MPRIP: variants seen among roughly 807,000 people sequenced by gnomAD.
MPRIP encodes the protein myosin phosphatase Rho-interacting protein.
In MPRIP, 59 loss-of-function variants were observed where a neutral mutation model predicts 234.9. The observed-to-expected ratio is 0.25, with a 90% CI of 0.20 to 0.31. The LOEUF is 0.31. Among genes scored for constraint, MPRIP ranks in the 10% least tolerant of loss-of-function variants. The pLI, the probability that MPRIP is intolerant of heterozygous loss-of-function variation, is 1.00. For synonymous variants in MPRIP, 1,144 were observed against 1,263.9 expected, an observed-to-expected ratio of 0.91 and a Z score of 2.01; for missense variants, 2,436 against 3,071.0, an observed-to-expected ratio of 0.79 and a Z score of 4.89.
At chr17:17,055,401 C>A (rs1179072884) in intron 1 of MPRIP, among the ~76,000 whole-genome samples, 1 of 152,100 alleles carries the variant, frequency 6.6e-6, no homozygotes, top group African/African-American at 2.4e-5. Context: ...CGGGTCTAGT[C>A]CCAAATCACT....
At position 17,177,273 on chromosome 17, in the gene MPRIP, G is replaced by A. The variant is rs772184125; in HGVS notation, c.6981G>A (p.Lys2327=). Residue 2327 remains lysine, a synonymous_variant, in exon 22 of 24, where the codon AAG becomes AAA. Coordinates refer to ENST00000651222, the MANE Select transcript of MPRIP (RefSeq NM_001364716.4). The stretch of plus-strand genomic sequence containing the variant: ...AGGACAAGAAGTACGCAAGTGACAA[G>A]TACAAAGACATCTACACAGAGCTCA... ...ALRDKKYASD[K]YKDIYTELSI... 1.9e-6 allele frequency: 3 copies of A among 1,613,794 alleles called. No individual in the cohort carries two copies. Among genetic ancestry groups the A allele is most frequent in the East Asian group, 2.2e-5 (1 of 44,868 alleles).
At chr17:17,141,268 C>G (rs2090810345) in intron 7 of MPRIP, among the ~76,000 whole-genome samples, 1 of 152,176 alleles carries the variant, frequency 6.6e-6, no homozygotes, top group African/African-American at 2.4e-5. Context: ...CACAATCGCT[C>G]AAGTGTGGTG....
intron 3 of MPRIP, among the ~76,000 whole-genome samples, chr17:17,116,527 C>A (rs2090289235): frequency 6.6e-6 from 1 of 152,222 alleles, no homozygotes; most frequent in Non-Finnish European, 1.5e-5. Context: ...CCTGTTGAAT[C>A]ATTCTGAGGC....
intron 20 of MPRIP, among the ~76,000 whole-genome samples, chr17:17,175,692 AC>A (rs1261976646): frequency 3.9e-5 from 6 of 152,222 alleles, no homozygotes; most frequent in Admixed American, 1.3e-4. Flanking sequence ...TGCCACAAAC[AC>A]TGACCACTCA....
At chr17:17,153,847 C>T (rs1040297689) in intron 12 of MPRIP, among the ~76,000 whole-genome samples, 5 of 152,142 alleles carry the variant, frequency 3.3e-5, no homozygotes, top group Non-Finnish European at 7.4e-5. Flanking sequence ...GCCCATCATG[C>T]CATGTGCCTG....
At chr17:17,132,682 C>G (rs966246582) in intron 5 of MPRIP, among the ~76,000 whole-genome samples, 2 of 152,250 alleles carry the variant, frequency 1.3e-5, no homozygotes, top group Non-Finnish European at 2.9e-5. Context: ...TGTATTGGCC[C>G]TCCTGCTGAT....
intron 4 of MPRIP, among the ~76,000 whole-genome samples, chr17:17,127,930 G>A (rs887709296): frequency 1.3e-5 from 2 of 152,120 alleles, no homozygotes; most frequent in Non-Finnish European, 2.9e-5. Flanking sequence ...TCTCTGCGGG[G>A]GTGTGCTCTC....
intron 3 of MPRIP, among the ~76,000 whole-genome samples, chr17:17,111,142 G>GT (rs1169548768): frequency 3.5e-5 from 4 of 112,934 alleles, no homozygotes; most frequent in African/African-American, 1.4e-4. Flanking sequence ...TATTTTAAAA[G>GT]TTTAAAAAAA....
chr17:17,139,037 C>G (rs186990365), intron 7 of MPRIP, among the ~76,000 whole-genome samples: 2 of 152,206 alleles, frequency 1.3e-5, no homozygotes, highest in South Asian at 4.1e-4. Flanking sequence ...TTTTTGCCCT[C>G]TAAGACTTTG....
intron 1 of MPRIP, among the ~76,000 whole-genome samples, chr17:17,068,430 A>C: frequency 6.6e-6 from 1 of 151,944 alleles, no homozygotes; most frequent in Non-Finnish European, 1.5e-5. Flanking sequence ...AATTACAGGC[A>C]TGAACCACCG....
At chr17:17,179,818 G>A (rs1482188670) in intron 22 of MPRIP, among the ~76,000 whole-genome samples, 185 bp from the exon 23 acceptor site, 1 of 152,174 alleles carries the variant, frequency 6.6e-6, no homozygotes, top group Non-Finnish European at 1.5e-5. Flanking sequence ...GGTGTTTTAT[G>A]GTGGTCTGAA....
At chr17:17,074,950 T>C (rs1235411916) in intron 1 of MPRIP, among the ~76,000 whole-genome samples, 2 of 152,234 alleles carry the variant, frequency 1.3e-5, no homozygotes, top group East Asian at 3.8e-4. Context: ...TGAACATTCA[T>C]GTGCAGGTAT....
chr17:17,169,251 C>T, intron 16 of MPRIP: 1 of 353,024 alleles, frequency 2.8e-6, no homozygotes. Flanking sequence ...GTTAATTGCA[C>T]AAACCTTTGC....
chr17:17,140,619 G>C (rs1369360970), intron 7 of MPRIP, among the ~76,000 whole-genome samples: 1 of 152,188 alleles, frequency 6.6e-6, no homozygotes, highest in Non-Finnish European at 1.5e-5. Context: ...GTGCCCAGGA[G>C]CCAGACTGCT....
At chr17:17,130,444 C>T (rs2090574458) in intron 4 of MPRIP, among the ~76,000 whole-genome samples, 1 of 151,768 alleles carries the variant, frequency 6.6e-6, no homozygotes, top group Non-Finnish European at 1.5e-5. Flanking sequence ...TTCCCCCTCC[C>T]CTCCTCTCCT....
rs759982231 is a variant in MPRIP at position 17,165,859 on chromosome 17, C to G, written c.4268C>G (p.Ala1423Gly). Reference sequence around the variant, plus strand: ...CTGCTCGCACTGCACCACCAGTGGGCGGGCACCGAGGCCCAGCTGCGTGAG... The same window carrying G: ...CTGCTCGCACTGCACCACCAGTGGGGGGGCACCGAGGCCCAGCTGCGTGAG... Reference protein sequence around the residue: ...EALLALHHQWAGTEAQLREQL... With the variant: ...EALLALHHQWGGTEAQLREQL... Residue 1423 changes from alanine (A) to glycine (G), a missense_variant, in exon 16 of 24, where the codon GCG (alanine) becomes GGG (glycine). This residue lies in a region of MPRIP where 1,998 missense variants were observed against 2,520.3 expected (regional missense o/e 0.79). Coordinates refer to ENST00000651222, the MANE Select transcript of MPRIP (RefSeq NM_001364716.4). The G allele has an allele frequency of 2.3e-6, 3 of 1,304,126 alleles. No individual in the cohort carries two copies. In the South Asian group the frequency reaches 3.7e-5, roughly 16 times the overall value. The allele number at this position is 1,304,126 out of a possible 1,614,324, so 80.8% of individuals were successfully genotyped here.
At position 17,126,983 on chromosome 17, in the gene MPRIP, C is replaced by T. The variant is rs560478764; in HGVS notation, c.419+130C>T. On this transcript the variant is annotated intron_variant, in intron 4 of 23. Transcript: ENST00000651222. ...GTGTGCCTCTATTCTTGGGCTCTGTCTCTGTTCTCAACACCGCTGTGTGCT... is the reference window on the plus strand; with the variant it reads ...GTGTGCCTCTATTCTTGGGCTCTGTTTCTGTTCTCAACACCGCTGTGTGCT... 3 of 1,167,708 alleles carry T rather than the reference C, an allele frequency of 2.6e-6. No homozygotes were observed. The East Asian group carries it at 7.3e-5, about 28-fold the overall frequency. The allele number at this position is 1,167,708 out of a possible 1,614,324, so 72.3% of individuals were successfully genotyped here. A position where few individuals can be genotyped will look rare whatever the true frequency, so the allele number is the denominator to read the frequency against.
chr17:17,094,438 C>A (rs967421342), intron 3 of MPRIP, among the ~76,000 whole-genome samples: 9 of 151,972 alleles, frequency 5.9e-5, no homozygotes, highest in African/African-American at 2.2e-4. Context: ...TCTCTTTATC[C>A]CTTGAGTTCT....
At chr17:17,131,991 A>G (rs1263987249) in intron 5 of MPRIP, among the ~76,000 whole-genome samples, 1 of 152,180 alleles carries the variant, frequency 6.6e-6, no homozygotes, top group African/African-American at 2.4e-5. Context: ...TCCTGCTGGC[A>G]GCTGGGGAGG....
Sources: gnomAD v4.1 joint callset for allele counts (sites outside exome capture counted in the v4.1 genomes callset) on GRCh38, gnomAD v4.1.1 for gene constraint, gnomAD v4.1.1 regional missense constraint, MANE v1.5 for transcripts, NCBI Gene and HGNC (gene_info 2026-07-23, HGNC 2026-07-21) for gene names.